The following LRP1 variants were observed in gnomAD, a reference collection of about 807,000 sequenced individuals.
LRP1 encodes prolow-density lipoprotein receptor-related protein 1.
Under a neutral mutation model 541.5 loss-of-function variants are expected in LRP1, and 51 were observed. That is an observed-to-expected ratio of 0.09 (90% CI 0.08 to 0.12). The LOEUF is 0.12. Among genes scored for constraint, LRP1 ranks in the 10% least tolerant of loss-of-function variants. The pLI, the probability that LRP1 is intolerant of heterozygous loss-of-function variation, is 1.00. For missense variants in LRP1, 3,878 were observed against 6,376.2 expected (o/e 0.61, Z 13.34); for synonymous variants, 2,219 against 2,470.8 (o/e 0.90, Z 3.02).
At chr12:57,145,572 G>A in intron 6 of LRP1, 82 bp downstream of exon 6, 1 of 1,528,606 alleles carries the variant, frequency 6.5e-7, no homozygotes, top group Non-Finnish European at 8.9e-7. Flanking sequence ...ACAGAGGCCG[G>A]GAGTTACACA....
Position 57,206,733 on chromosome 12 carries a change from C to G in LRP1, c.11851C>G (p.His3951Asp), listed in dbSNP as rs760047428. 1 of 1,611,696 alleles carries G rather than the reference C, an allele frequency of 6.2e-7. No homozygotes were observed. Among genetic ancestry groups the G allele is most frequent in the South Asian group, 1.1e-5 (1 of 91,078 alleles). The change falls in exon 76 of 89, where the codon CAC becomes GAC. Residue 3951 changes from histidine to aspartate, a missense_variant. This residue lies in a region of LRP1 where 871 missense variants were observed against 1,212.4 expected (regional missense o/e 0.72). Coordinates refer to ENST00000243077, the MANE Select transcript of LRP1 (RefSeq NM_002332.3). The surrounding 1 kb of genome is among the most constrained non-coding windows in gnomAD (Gnocchi z 4.7). ...GCGACAGATTGACCGGGGTGTCACC[C>G]ACCTCAACGTGAGTGCCCAACCTGG... ...HRRQIDRGVT[H>D]LNISGLKMPR...
chr12:57,153,106 A>C (rs997919429), intron 6 of LRP1, among the ~76,000 whole-genome samples: 9 of 152,186 alleles, frequency 5.9e-5, no homozygotes, highest in African/African-American at 2.2e-4. Flanking sequence ...CTTGTTGGGG[A>C]AACTGTTGGA....
At chr12:57,193,800 GCCAGGGCA>G in intron 47 of LRP1, 91 bp from the exon 48 acceptor site, 1 of 1,597,304 alleles carries the variant, frequency 6.3e-7, no homozygotes, top group South Asian at 1.1e-5. Context: ...TCTGTGACAG[GCCAGGGCA>G]GGTGCTGTGG....
chr12:57,196,249 A>G lies in LRP1; in HGVS notation c.8864A>G (p.Asp2955Gly), dbSNP rs771821052. ...LSRKLSGCSQ[D>G]CEDLKIGFKC... is the part of the protein sequence containing the mutation. ...CGCAAGCTCAGTGGCTGCAGCCAGG[A>G]CTGTGAGGACCTCAAGATCGGCTTC... is the stretch of plus-strand genomic sequence containing the variant. The change falls in exon 55 of 89, where the codon GAC becomes GGC. Residue 2955 changes from aspartate to glycine, a missense_variant. Physicochemically the swap from Asp to Gly is moderately conservative, Grantham distance 94. This residue lies in a region of LRP1 where 1,100 missense variants were observed against 1,827.4 expected (regional missense o/e 0.60). Coordinates refer to ENST00000243077, the MANE Select transcript of LRP1 (RefSeq NM_002332.3). 3.1e-6 allele frequency: 5 copies of G among 1,602,854 alleles called. No individual in the cohort carries two copies. In the South Asian group the frequency reaches 5.5e-5, roughly 18 times the overall value.
chr12:57,211,835 C>T lies in LRP1; in HGVS notation c.13258+21C>T, dbSNP rs1387795760. The T allele has an allele frequency of 5.0e-6, 8 of 1,612,598 alleles. No individual in the cohort carries two copies. The highest frequency in any genetic ancestry group is 5.9e-6 in the Non-Finnish European group (7 of 1,179,994). On this transcript the variant is annotated intron_variant, in intron 86 of 88. Coordinates refer to ENST00000243077, the MANE Select transcript of LRP1 (RefSeq NM_002332.3). This position sits in a 1 kb window ranked among gnomAD's most constrained non-coding sequence, Gnocchi z 4.3. ...AGGACGTAGGTGGCAGGGGTTGGGGCAGGCAGGGCCACCGGGACCTAGAGC... is the reference window on the plus strand; with the variant it reads ...AGGACGTAGGTGGCAGGGGTTGGGGTAGGCAGGGCCACCGGGACCTAGAGC...
chr12:57,190,674 G>A, intron 42 of LRP1, 131 bp from the exon 43 acceptor site: 1 of 716,902 alleles, frequency 1.4e-6, no homozygotes, highest in Admixed American at 2.2e-5. Flanking sequence ...GGGCACTGCT[G>A]GCCTCTATGG....
chr12:57,190,754 G>C lies in LRP1; in HGVS notation c.7032-51G>C, dbSNP rs368247394. 1.7e-5 allele frequency: 26 copies of C among 1,566,258 alleles called. No homozygotes were observed. In the Middle Eastern group the frequency reaches 5.0e-4, roughly 30 times the overall value. On this transcript the variant is annotated intron_variant, in intron 42 of 88. Coordinates refer to ENST00000243077, the MANE Select transcript of LRP1 (RefSeq NM_002332.3). ...CTACGCGTCCTGGCCTGTGCCCTCT[G>C]TTGTGGATTCTCAGGCTTTGCCTCC...
Position 57,191,361 on chromosome 12 carries a change from C to G in LRP1, c.7278C>G (p.Ala2426=), listed in dbSNP as rs1800139. Residue 2426 remains alanine (A), a synonymous_variant, in exon 44 of 89, where the codon GCC becomes GCG. Coordinates refer to ENST00000243077, the MANE Select transcript of LRP1 (RefSeq NM_002332.3). The part of the protein sequence containing the change: ...KSEPVHPFGL[A]VYGEHIFWTD... ...AGCCTGTCCACCCCTTCGGGCTGGC[C>G]GTGTATGGGGAGCACATTTTCTGGA... The G allele has an allele frequency of 3.4e-5, 54 of 1,611,248 alleles. No individual in the cohort carries two copies. Among genetic ancestry groups the G allele is most frequent in the Non-Finnish European group, 4.6e-5 (54 of 1,178,026 alleles).
At chr12:57,144,200 G>T (rs1374295251) in intron 4 of LRP1, among the ~76,000 whole-genome samples, 3 of 151,936 alleles carry the variant, frequency 2.0e-5, no homozygotes, top group African/African-American at 4.8e-5. Flanking sequence ...AAATCTAATT[G>T]GAAGTACTGC....
Position 57,191,265 on chromosome 12 carries a change from A to G in LRP1, c.7237-55A>G, listed in dbSNP as rs2036373019. ...GCCAGGCCAGGCTGTGGTCCGGTGGAGACTGGGCAAGAGGCCTGAGCGATG... is the reference window on the plus strand; with the variant it reads ...GCCAGGCCAGGCTGTGGTCCGGTGGGGACTGGGCAAGAGGCCTGAGCGATG... On this transcript the variant is annotated intron_variant, in intron 43 of 88. Transcript: ENST00000243077. 2.6e-6 allele frequency: 4 copies of G among 1,515,588 alleles called. No homozygotes were observed. In the South Asian group the frequency reaches 3.8e-5, roughly 14 times the overall value. 93.9% of individuals were successfully genotyped at this position (1,515,588 alleles called of 1,614,324 possible). A position where few individuals can be genotyped will look rare whatever the true frequency, so the allele number is the denominator to read the frequency against.
intron 76 of LRP1, 111 bp from the exon 77 acceptor site, chr12:57,207,927 G>A (rs773117521): frequency 1.2e-4 from 149 of 1,206,982 alleles, no homozygotes; most frequent in Non-Finnish European, 1.6e-4. Flanking sequence ...TTAAAGCCAG[G>A]GTCCTGGCTG....
At position 57,175,584 on chromosome 12, in the gene LRP1, G is replaced by A. The variant is rs1481196996; in HGVS notation, c.3672G>A (p.Gln1224=). 1 of 1,614,128 alleles carries A rather than the reference G, an allele frequency of 6.2e-7. No homozygotes were observed. Among genetic ancestry groups the A allele is most frequent in the South Asian group, 1.1e-5 (1 of 91,074 alleles). Reference sequence around the variant, plus strand: ...CCGACAACCACACCTGCCAGATCCAGAGCTACTGTGCCAAGCATCTCAAAT... The same window carrying A: ...CCGACAACCACACCTGCCAGATCCAAAGCTACTGTGCCAAGCATCTCAAAT... ...LGPDNHTCQI[Q]SYCAKHLKCS... is the part of the protein sequence containing the mutation. The change falls in exon 23 of 89, where the codon CAG becomes CAA. Residue 1224 remains glutamine (Q), a synonymous_variant. Coordinates refer to ENST00000243077, the MANE Select transcript of LRP1 (RefSeq NM_002332.3).
At position 57,201,407 on chromosome 12, in the gene LRP1, G is replaced by A; in HGVS notation, c.10346-90G>A. On this transcript the variant is annotated intron_variant, in intron 65 of 88. Transcript: ENST00000243077. The surrounding 1 kb of genome is among the most constrained non-coding windows in gnomAD (Gnocchi z 6.4). The stretch of plus-strand genomic sequence containing the variant: ...CCGAAGAAGTTGCTGGCAGGACCAA[G>A]GCCAGGGCTTGGAAGAGAGAGAAGA... 1.3e-6 allele frequency: 2 copies of A among 1,531,634 alleles called. No individual in the cohort carries two copies. The highest frequency in any genetic ancestry group is 1.8e-6 in the Non-Finnish European group (2 of 1,134,248). The allele number at this position is 1,531,634 out of a possible 1,614,324, so 94.9% of individuals were successfully genotyped here.
At chr12:57,141,567 A>T in intron 3 of LRP1, 56 bp downstream of exon 3, 1 of 1,607,312 alleles carries the variant, frequency 6.2e-7, no homozygotes, top group Non-Finnish European at 8.5e-7. Flanking sequence ...TTATCAGCCC[A>T]CCTTCCGAGG....
intron 44 of LRP1, 119 bp downstream of exon 44, chr12:57,191,631 CAT>C (rs2136720277): frequency 1.2e-6 from 1 of 814,240 alleles, no homozygotes; most frequent in Non-Finnish European, 1.9e-6. Context: ...CACACACACA[CAT>C]CCCACACATA....
chr12:57,201,863 G>A lies in LRP1; in HGVS notation c.10552G>A (p.Asp3518Asn). 1 of 1,614,136 alleles carries A rather than the reference G, an allele frequency of 6.2e-7. No individual in the cohort carries two copies. The highest frequency in any genetic ancestry group is 8.5e-7 in the Non-Finnish European group (1 of 1,180,022). Residue 3518 changes from aspartate (D) to asparagine (N), a missense_variant, in exon 67 of 89, where the codon GAT (aspartate) becomes AAT (asparagine). Coordinates refer to ENST00000243077, the MANE Select transcript of LRP1 (RefSeq NM_002332.3). This position sits in a 1 kb window ranked among gnomAD's most constrained non-coding sequence, Gnocchi z 6.4. ...IPARWKCDGE[D>N]DCGDGSDEPK... ...AGCGCGTTGGAAGTGTGACGGAGAG[G>A]ATGACTGTGGGGATGGCTCGGATGA...
rs192865179 is a variant in LRP1 at position 57,200,528 on chromosome 12, G to A, written c.10101G>A (p.Pro3367=). Residue 3367 remains proline, a synonymous_variant, in exon 63 of 89, where the codon CCG becomes CCA. Coordinates refer to ENST00000243077, the MANE Select transcript of LRP1 (RefSeq NM_002332.3). ...DDCGDHSDEP[P]DCPEFKCRPG... ...GCGGGGACCACTCAGACGAGCCCCC[G>A]GACTGCCGTGAGTGCCTGCTGGGGG... 44 of 1,608,322 alleles carry A rather than the reference G, an allele frequency of 2.7e-5. No individual in the cohort carries two copies. The highest frequency in any genetic ancestry group is 1.8e-4 in the Admixed American group (11 of 59,784).
chr12:57,192,365 G>A (rs1226776193), intron 44 of LRP1, among the ~76,000 whole-genome samples: 1 of 152,112 alleles, frequency 6.6e-6, no homozygotes, highest in Admixed American at 6.5e-5. Flanking sequence ...GCCCCTCAGG[G>A]CTCATCCATG....
At chr12:57,196,812 G>A (rs951575722) in intron 55 of LRP1, among the ~76,000 whole-genome samples, 170 bp from the exon 56 acceptor site, 3 of 152,168 alleles carry the variant, frequency 2.0e-5, no homozygotes, top group Admixed American at 2.0e-4. Flanking sequence ...GACACTCGGG[G>A]GCACACAGAA....
Sources: gnomAD v4.1 joint callset for allele counts (sites outside exome capture counted in the v4.1 genomes callset) on GRCh38, gnomAD v4.1.1 for gene constraint, gnomAD v4.1.1 regional missense constraint, Gnocchi (gnomAD v3.1) non-coding constraint, MANE v1.5 for transcripts, NCBI Gene and HGNC (gene_info 2026-07-23, HGNC 2026-07-21) for gene names.